The following LRMDA variants were observed in gnomAD, a reference collection of about 807,000 sequenced individuals.
LRMDA encodes the protein leucine-rich melanocyte differentiation-associated protein.
In LRMDA, 18 loss-of-function variants were observed where a neutral mutation model predicts 29.8. The ratio of observed to expected loss-of-function variants is 0.60; its 90% CI spans 0.42 to 0.90. The LOEUF is 0.90. LRMDA is among the 40% of genes least tolerant of loss of function. LRMDA has a pLI of 0.00. For missense variants in LRMDA, 273 were observed against 273.9 expected, an observed-to-expected ratio of 1.00 and a Z score of 0.02; for synonymous variants, 125 against 109.4, an observed-to-expected ratio of 1.14 and a Z score of -0.89.
chr10:76,556,662 G>C (rs1392812174), intron 6 of LRMDA, among the ~76,000 whole-genome samples: 3 of 152,056 alleles, frequency 2.0e-5, no homozygotes, highest in African/African-American at 4.8e-5. Context: ...CATTCATATG[G>C]TATTTTGTCA....
chr10:76,504,452 TGTGTGG>T (rs1231248468), intron 6 of LRMDA, among the ~76,000 whole-genome samples: 1 of 152,058 alleles, frequency 6.6e-6, no homozygotes, highest in Non-Finnish European at 1.5e-5. Flanking sequence ...CCATTATTAT[TGTGTGG>T]GTCTTCTTGT....
At chr10:76,463,597 T>C (rs1358941308) in intron 6 of LRMDA, among the ~76,000 whole-genome samples, 1 of 152,084 alleles carries the variant, frequency 6.6e-6, no homozygotes, top group Non-Finnish European at 1.5e-5. Flanking sequence ...GATGAGTGAA[T>C]GTGCCTAAGA....
chr10:76,000,087 C>T (rs1315114233), intron 2 of LRMDA, among the ~76,000 whole-genome samples: 1 of 152,066 alleles, frequency 6.6e-6, no homozygotes, highest in African/African-American at 2.4e-5. Context: ...AAAGAAATCT[C>T]TTCTCTTGAA....
intron 2 of LRMDA, among the ~76,000 whole-genome samples, chr10:75,781,814 G>A (rs1372505845): frequency 6.6e-6 from 1 of 152,210 alleles, no homozygotes; most frequent in Non-Finnish European, 1.5e-5. Flanking sequence ...CCATTTTGCA[G>A]ATGAGATCAC....
chr10:76,151,928 TA>T (rs1428949056), intron 5 of LRMDA, among the ~76,000 whole-genome samples: 1 of 152,232 alleles, frequency 6.6e-6, no homozygotes, highest in Non-Finnish European at 1.5e-5. Context: ...GATAAAGTAG[TA>T]ATGGAATTAT....
At chr10:76,306,010 C>T (rs1405452869) in intron 5 of LRMDA, among the ~76,000 whole-genome samples, 2 of 152,142 alleles carry the variant, frequency 1.3e-5, no homozygotes, top group South Asian at 4.1e-4. Flanking sequence ...TTATAATAAA[C>T]ACATTAGTAT....
At chr10:76,006,154 C>T (rs1408501849) in intron 2 of LRMDA, among the ~76,000 whole-genome samples, 1 of 152,060 alleles carries the variant, frequency 6.6e-6, no homozygotes, top group Non-Finnish European at 1.5e-5. Context: ...AGTCTGTGAA[C>T]ATTTAAGGAG....
chr10:76,514,707 G>A (rs188058374), intron 6 of LRMDA, among the ~76,000 whole-genome samples: 1 of 152,214 alleles, frequency 6.6e-6, no homozygotes, highest in Admixed American at 6.5e-5. Context: ...TGAGGCTGGG[G>A]GAAAAGTGAA....
intron 5 of LRMDA, among the ~76,000 whole-genome samples, chr10:76,312,261 C>G (rs1326486179): frequency 6.6e-6 from 1 of 152,192 alleles, no homozygotes; most frequent in Non-Finnish European, 1.5e-5. Context: ...GATGGATAAA[C>G]TGTCAGTTTT....
At chr10:76,290,210 G>A (rs1840322108) in intron 5 of LRMDA, among the ~76,000 whole-genome samples, 1 of 152,054 alleles carries the variant, frequency 6.6e-6, no homozygotes, top group African/African-American at 2.4e-5. Context: ...TTATCCTTCA[G>A]GTGAGTCAGC....
At chr10:75,565,500 C>A (rs1029342910) in intron 2 of LRMDA, among the ~76,000 whole-genome samples, 1 of 152,156 alleles carries the variant, frequency 6.6e-6, no homozygotes, top group Non-Finnish European at 1.5e-5. Flanking sequence ...CAGCTGAGGG[C>A]ATTTTCAAAG....
chr10:76,254,300 T>TACC (rs1852541192), intron 5 of LRMDA, among the ~76,000 whole-genome samples: 133 of 90,620 alleles, frequency 1.5e-3, no homozygotes, highest in Non-Finnish European at 2.4e-3. Flanking sequence ...TATACTATAC[T>TACC]ATACCATACC....
intron 2 of LRMDA, among the ~76,000 whole-genome samples, chr10:75,495,193 T>G (rs1413869308): frequency 6.6e-6 from 1 of 152,160 alleles, no homozygotes; most frequent in Non-Finnish European, 1.5e-5. Flanking sequence ...AGATTCTGCC[T>G]ATCAATTCAT....
intron 6 of LRMDA, among the ~76,000 whole-genome samples, chr10:76,482,818 C>A (rs56233427): frequency 0.29 from 44,716 of 151,866 alleles, 7,135 homozygotes; most frequent in Non-Finnish European, 0.36. Flanking sequence ...GCAGTTGTTC[C>A]ATACAGCATG....
intron 6 of LRMDA, among the ~76,000 whole-genome samples, chr10:76,525,929 C>G (rs1470660963): frequency 2.0e-5 from 3 of 152,130 alleles, no homozygotes; most frequent in African/African-American, 7.2e-5. Flanking sequence ...GGATTAAAAT[C>G]TCATTAAGTG....
intron 2 of LRMDA, among the ~76,000 whole-genome samples, chr10:75,754,650 A>T (rs1290970942): frequency 6.6e-6 from 1 of 152,230 alleles, no homozygotes; most frequent in Non-Finnish European, 1.5e-5. Flanking sequence ...CAGATGACTT[A>T]TTAGATGTCA....
At chr10:76,293,004 T>C (rs1046722941) in intron 5 of LRMDA, among the ~76,000 whole-genome samples, 3 of 152,230 alleles carry the variant, frequency 2.0e-5, no homozygotes, top group Admixed American at 1.3e-4. Flanking sequence ...ATTCTTGCTC[T>C]GTCACCCAGT....
chr10:75,684,787 C>T (rs2132155573), intron 2 of LRMDA, among the ~76,000 whole-genome samples: 1 of 152,288 alleles, frequency 6.6e-6, no homozygotes, highest in African/African-American at 2.4e-5. Flanking sequence ...AATGGACCAC[C>T]ATCCCTTGCC....
intron 2 of LRMDA, chr10:75,552,388 G>A (rs905653168): frequency 1.1e-4 from 25 of 231,758 alleles, no homozygotes; most frequent in Non-Finnish European, 1.8e-4. Flanking sequence ...TGAGCAGTGC[G>A]CTGTCATTCT....
Sources: gnomAD v4.1 joint callset for allele counts (sites outside exome capture counted in the v4.1 genomes callset) on GRCh38, gnomAD v4.1.1 for gene constraint, MANE v1.5 for transcripts, NCBI Gene and HGNC (gene_info 2026-07-23, HGNC 2026-07-21) for gene names.